WDR70: variants seen among roughly 807,000 people sequenced by gnomAD.
The protein encoded by WDR70 is WD repeat-containing protein 70.
Under a neutral mutation model 88.6 loss-of-function variants are expected in WDR70, and 53 were observed. That is an observed-to-expected ratio of 0.60 (90% CI 0.48 to 0.75). The LOEUF (loss-of-function observed/expected upper bound fraction) is 0.75, where lower values mean the gene tolerates loss of function less well. Among genes scored for constraint, WDR70 ranks in the 30% least tolerant of loss-of-function variants. The pLI is 0.00. For missense variants in WDR70, 610 were observed against 823.2 expected (o/e 0.74, Z 3.17); for synonymous variants, 280 against 270.0 (o/e 1.04, Z -0.36).
At chr5:37,485,642 A>G (rs374288279) in intron 8 of WDR70, among the ~76,000 whole-genome samples, 1 of 152,110 alleles carries the variant, frequency 6.6e-6, no homozygotes, top group South Asian at 2.1e-4. Context: ...TGTGAGTTCA[A>G]TGTTAATGAA....
chr5:37,412,062 CAAGTGGG>C (rs1159149932), intron 5 of WDR70, among the ~76,000 whole-genome samples: 1 of 151,466 alleles, frequency 6.6e-6, no homozygotes, highest in Admixed American at 6.6e-5. Flanking sequence ...AAAAAAAATT[CAAGTGGG>C]AAGTATCAGA....
chr5:37,486,743 T>C (rs370488080), intron 8 of WDR70, among the ~76,000 whole-genome samples: 11,822 of 131,610 alleles, frequency 0.09, 786 homozygotes, highest in South Asian at 0.15. Context: ...TGAGCTTTTT[T>C]TCATATGCTT....
chr5:37,672,293 C>A (rs1376840053), intron 10 of WDR70, among the ~76,000 whole-genome samples: 1 of 152,000 alleles, frequency 6.6e-6, no homozygotes, highest in Non-Finnish European at 1.5e-5. Context: ...ACCTGACTGT[C>A]CCCCAGCCTG....
chr5:37,653,199 A>T (rs1308855608), intron 10 of WDR70, among the ~76,000 whole-genome samples: 3 of 152,116 alleles, frequency 2.0e-5, no homozygotes, highest in Non-Finnish European at 4.4e-5. Context: ...TGAGATAATC[A>T]TGTGTTTTTT....
chr5:37,400,420 T>A, intron 5 of WDR70, among the ~76,000 whole-genome samples: 1 of 152,208 alleles, frequency 6.6e-6, no homozygotes, highest in Non-Finnish European at 1.5e-5. Flanking sequence ...ATTTTATCAT[T>A]GTTTTTAAGT....
At chr5:37,419,079 A>G (rs1374894406) in intron 5 of WDR70, among the ~76,000 whole-genome samples, 1 of 151,960 alleles carries the variant, frequency 6.6e-6, no homozygotes, top group Non-Finnish European at 1.5e-5. Flanking sequence ...ATTTCTGTAA[A>G]GTAATGGAAT....
chr5:37,632,550 T>C (rs1024871519), intron 10 of WDR70, among the ~76,000 whole-genome samples: 4 of 151,260 alleles, frequency 2.6e-5, no homozygotes, highest in African/African-American at 9.7e-5. Context: ...GTTTGTGTCT[T>C]AGTTTTTAAC....
chr5:37,747,755 A>G (rs1490113229), intron 17 of WDR70, among the ~76,000 whole-genome samples: 3 of 152,198 alleles, frequency 2.0e-5, no homozygotes, highest in African/African-American at 7.2e-5. Context: ...TCTGAACCTA[A>G]AAACTTCTTG....
chr5:37,553,877 G>A (rs999692682), intron 9 of WDR70, among the ~76,000 whole-genome samples: 1 of 152,118 alleles, frequency 6.6e-6, no homozygotes, highest in Non-Finnish European at 1.5e-5. Flanking sequence ...GGGATTGTGC[G>A]AGCATTAATT....
At chr5:37,430,777 T>C (rs142932306) in intron 5 of WDR70, among the ~76,000 whole-genome samples, 1,825 of 152,184 alleles carry the variant, frequency 0.012, 36 homozygotes, top group African/African-American at 0.042. Flanking sequence ...GCCAGGCTGG[T>C]CTCAAACTCC....
chr5:37,598,178 C>T (rs1313430780), intron 9 of WDR70, among the ~76,000 whole-genome samples: 1 of 152,068 alleles, frequency 6.6e-6, no homozygotes, highest in Non-Finnish European at 1.5e-5. Context: ...AGTTGAATAC[C>T]ACATTTGTCT....
intron 5 of WDR70, among the ~76,000 whole-genome samples, chr5:37,433,258 A>T (rs10073681): frequency 0.76 from 116,170 of 151,880 alleles, 48,298 homozygotes; most frequent in East Asian, 0.96. Context: ...ATGGGGTTTC[A>T]CCATGTTGGT....
In WDR70 at chr5:37,527,732, A is replaced by C. The variant is rs543069301; in HGVS notation, c.917+11142A>C. Reference sequence around the variant, plus strand: ...GGGAGAAAATTTTTGCAATCTACTCATCTGACAAAGGGCTAATATCCAGAA... The same window carrying C: ...GGGAGAAAATTTTTGCAATCTACTCCTCTGACAAAGGGCTAATATCCAGAA... On this transcript the variant is annotated intron_variant, in intron 9 of 17. Coordinates refer to ENST00000265107, the MANE Select transcript of WDR70 (RefSeq NM_018034.4). Among the ~76,000 whole-genome samples, 10 of 152,326 alleles carry C rather than the reference A, an allele frequency of 6.6e-5. No individual in the cohort carries two copies. In the South Asian group the frequency reaches 1.9e-3, roughly 28 times the overall value.
At chr5:37,471,042 C>A (rs1197051976) in intron 7 of WDR70, among the ~76,000 whole-genome samples, 1 of 152,134 alleles carries the variant, frequency 6.6e-6, no homozygotes, top group Non-Finnish European at 1.5e-5. Flanking sequence ...AGCCACCACG[C>A]ATGGCTAATT....
intron 13 of WDR70, 143 bp downstream of exon 13, chr5:37,703,230 A>G: frequency 9.9e-7 from 1 of 1,011,294 alleles, no homozygotes; most frequent in Admixed American, 2.5e-5. Context: ...CGTAGGAGTT[A>G]TCAGTATGTT....
At chr5:37,741,908 G>C (rs746358662) in intron 17 of WDR70, among the ~76,000 whole-genome samples, 9 of 152,154 alleles carry the variant, frequency 5.9e-5, no homozygotes, top group Non-Finnish European at 1.3e-4. Flanking sequence ...ACTGTCTTCA[G>C]GGTTCATCTG....
rs59254502 is a variant in WDR70, at chr5:37,455,636, C to CTTTTTTTTTTTTTTT, written c.686+12269_686+12283dup. 1.9e-3 allele frequency among the ~76,000 whole-genome samples: 134 copies of CTTTTTTTTTTTTTTT among 70,390 alleles called. 11 individuals carry two copies. The highest frequency in any genetic ancestry group is 2.2e-3 in the Non-Finnish European group (84 of 37,904). The allele number at this position is 70,390 out of a possible 152,430, so 46.2% of individuals were successfully genotyped here. A position where few individuals can be genotyped will look rare whatever the true frequency, so the allele number is the denominator to read the frequency against. On this transcript the variant is annotated intron_variant, in intron 7 of 17. Transcript: ENST00000265107. ...TTCTCTCGGGTCCAGTTCTCTTTAT[C>CTTTTTTTTTTTTTTT]TTTTTTTTTTTTTTTTTTTGCCACA...
chr5:37,725,897 C>G (rs563385075), intron 16 of WDR70, among the ~76,000 whole-genome samples: 19 of 152,198 alleles, frequency 1.2e-4, no homozygotes, highest in Middle Eastern at 3.4e-3. Flanking sequence ...AATTGTCTTT[C>G]CAGAGATTCA....
At chr5:37,491,938 G>A (rs988889913) in intron 8 of WDR70, among the ~76,000 whole-genome samples, 3 of 152,074 alleles carry the variant, frequency 2.0e-5, no homozygotes, top group East Asian at 1.9e-4. Context: ...TGGTTTCTGC[G>A]CTTTTGACAT....
Sources: gnomAD v4.1 joint callset for allele counts (sites outside exome capture counted in the v4.1 genomes callset) on GRCh38, gnomAD v4.1.1 for gene constraint, MANE v1.5 for transcripts, NCBI Gene and HGNC (gene_info 2026-07-23, HGNC 2026-07-21) for gene names.